Variants in CTNNAL1 observed in about 807,000 individuals in gnomAD.
CTNNAL1 encodes catenin alpha like 1, also known as alpha-catulin.
A neutral mutation model predicts 93.6 loss-of-function variants in CTNNAL1; 69 were observed. The ratio of observed to expected loss-of-function variants is 0.74; its 90% CI spans 0.61 to 0.90. The LOEUF is 0.90. CTNNAL1 is among the 40% of genes least tolerant of loss of function. The pLI, the probability that CTNNAL1 is intolerant of heterozygous loss-of-function variation, is 0.00. For synonymous variants in CTNNAL1, 286 were observed against 305.4 expected, an observed-to-expected ratio of 0.94 and a Z score of 0.66; for missense variants, 836 against 862.0, an observed-to-expected ratio of 0.97 and a Z score of 0.38.
intron 11 of CTNNAL1, among the ~76,000 whole-genome samples, chr9:108,963,305 A>C (rs1035970418): frequency 6.6e-6 from 1 of 152,248 alleles, no homozygotes; most frequent in African/African-American, 2.4e-5. Context: ...AACTGCGAGC[A>C]TCTCAAACAC....
intron 7 of CTNNAL1, among the ~76,000 whole-genome samples, chr9:108,978,428 C>T (rs28361136): frequency 1.1e-4 from 16 of 152,184 alleles, no homozygotes; most frequent in Non-Finnish European, 2.4e-4. Context: ...TATCCACCCT[C>T]CTTCATCATC....
chr9:108,998,708 G>T (rs1374463923), intron 2 of CTNNAL1, among the ~76,000 whole-genome samples: 2 of 152,212 alleles, frequency 1.3e-5, no homozygotes, highest in Non-Finnish European at 2.9e-5. Context: ...TGATTTGTTT[G>T]CTGTAGAATA....
Position 108,965,477 on chromosome 9 carries a change from T to C in CTNNAL1, c.1492A>G (p.Lys498Glu), listed in dbSNP as rs1830928664. ...LTLHPSSKIAKENLDVFCEAW... is the reference protein window; with the variant it reads ...LTLHPSSKIAEENLDVFCEAW... Reference sequence around the variant, plus strand: ...TCACAAAATACATCTAGGTTTTCTTTAGCAATTTTACTAGATGGATGCAAT... The same window carrying C: ...TCACAAAATACATCTAGGTTTTCTTCAGCAATTTTACTAGATGGATGCAAT... Residue 498 changes from lysine (K) to glutamate (E), a missense_variant, in exon 11 of 19, where the codon AAA becomes GAA. By Grantham distance (56) the Lys-to-Glu change is moderately conservative. Coordinates refer to ENST00000325551, the MANE Select transcript of CTNNAL1 (RefSeq NM_003798.4). 6.3e-7 allele frequency: 1 copy of C among 1,597,178 alleles called. No homozygotes were observed. The highest frequency in any genetic ancestry group is 8.5e-7 in the Non-Finnish European group (1 of 1,171,858).
At chr9:108,972,864 G>GGGGGCCCA in intron 8 of CTNNAL1, 31 bp from the exon 9 acceptor site, 2 of 142,588 alleles carry the variant, frequency 1.4e-5, no homozygotes, top group Non-Finnish European at 2.0e-5. Flanking sequence ...GGGGGGGTGG[G>GGGGGCCCA]AGGGTGGAGA....
chr9:108,944,075 G>T, intron 15 of CTNNAL1, 57 bp from the exon 16 acceptor site: 1 of 1,429,214 alleles, frequency 7.0e-7, no homozygotes, highest in South Asian at 1.2e-5. Context: ...TAGTTGGTAA[G>T]AAATATACTT....
intron 1 of CTNNAL1, among the ~76,000 whole-genome samples, chr9:109,008,343 G>T (rs1170388263): frequency 6.6e-6 from 1 of 151,848 alleles, no homozygotes; most frequent in East Asian, 1.9e-4. Context: ...TTTTAGTAGA[G>T]ACGGGGTTGG....
At chr9:108,961,658 CA>C (rs2132112523) in intron 11 of CTNNAL1, among the ~76,000 whole-genome samples, 1 of 152,142 alleles carries the variant, frequency 6.6e-6, no homozygotes, top group South Asian at 2.1e-4. Flanking sequence ...TAAAAGAAAC[CA>C]CAGTGCTCAC....
intron 15 of CTNNAL1, among the ~76,000 whole-genome samples, chr9:108,946,660 T>C (rs1830412560): frequency 6.6e-6 from 1 of 152,244 alleles, no homozygotes; most frequent in Admixed American, 6.5e-5. Context: ...CATTAGAACA[T>C]AAGCTCTATG....
chr9:108,972,864 G>GGGGGGGGGGGGGGGGGGGGGCCCCCCC, intron 8 of CTNNAL1, 31 bp from the exon 9 acceptor site: 1 of 142,582 alleles, frequency 7.0e-6, no homozygotes, highest in Non-Finnish European at 1.0e-5. Context: ...GGGGGGGTGG[G>GGGGGGGGGGGGGGGGGGGGGCCCCCCC]AGGGTGGAGA....
intron 11 of CTNNAL1, among the ~76,000 whole-genome samples, chr9:108,958,220 G>A (rs1830735267): frequency 6.6e-6 from 1 of 151,954 alleles, no homozygotes; most frequent in Non-Finnish European, 1.5e-5. Flanking sequence ...ATCATCTATA[G>A]TGCCCATGGC....
rs1216506520 is a variant in CTNNAL1, at chr9:108,943,823, T to C, written c.1942-7A>G. The C allele has an allele frequency of 6.2e-7, 1 of 1,612,176 alleles. No individual in the cohort carries two copies. Among genetic ancestry groups the C allele is most frequent in the Admixed American group, 1.7e-5 (1 of 59,580 alleles). On this transcript the variant is annotated splice_region_variant and splice_polypyrimidine_tract_variant and intron_variant, in intron 16 of 18. Transcript: ENST00000325551. Reference sequence around the variant, plus strand: ...GCTTGTCATCGTCTTTCAGCTGAAATGTAATTTAACAAGTTATAACAGCCC... The same window carrying C: ...GCTTGTCATCGTCTTTCAGCTGAAACGTAATTTAACAAGTTATAACAGCCC...
chr9:108,969,268 T>C (rs1831042126), intron 10 of CTNNAL1, among the ~76,000 whole-genome samples: 2 of 142,488 alleles, frequency 1.4e-5, no homozygotes, highest in African/African-American at 5.4e-5. Context: ...AGACTCCGTC[T>C]CAAAAAAAAA....
At chr9:108,994,573 C>T (rs1831945297) in intron 2 of CTNNAL1, among the ~76,000 whole-genome samples, 1 of 152,198 alleles carries the variant, frequency 6.6e-6, no homozygotes. Context: ...AGATAAGTCG[C>T]AAGACATGGA....
intron 14 of CTNNAL1, among the ~76,000 whole-genome samples, chr9:108,949,533 C>T (rs370808756): frequency 8.0e-4 from 122 of 152,130 alleles, no homozygotes; most frequent in Admixed American, 5.8e-3. Flanking sequence ...CACAGCGAAA[C>T]GCTATCTCTA....
At chr9:108,996,720 CTT>C (rs61111132) in intron 2 of CTNNAL1, among the ~76,000 whole-genome samples, 5 of 146,736 alleles carry the variant, frequency 3.4e-5, no homozygotes, top group African/African-American at 1.2e-4. Context: ...TTTTTTATTT[CTT>C]TTTTTTTTTA....
intron 10 of CTNNAL1, among the ~76,000 whole-genome samples, chr9:108,969,342 T>G (rs1406230564): frequency 6.6e-6 from 1 of 151,358 alleles, no homozygotes; most frequent in Non-Finnish European, 1.5e-5. Context: ...CAGTATTAAA[T>G]GAGATAATCA....
At chr9:108,985,293 C>A (rs909204275) in intron 4 of CTNNAL1, among the ~76,000 whole-genome samples, 2 of 152,182 alleles carry the variant, frequency 1.3e-5, no homozygotes, top group African/African-American at 2.4e-5. Flanking sequence ...AGAGACAATA[C>A]ACAAATAAAT....
chr9:108,959,203 C>CA (rs1268509730), intron 11 of CTNNAL1, among the ~76,000 whole-genome samples: 129 of 137,882 alleles, frequency 9.4e-4, no homozygotes, highest in East Asian at 1.3e-3. Context: ...ACTAAAAATA[C>CA]AAAAAAAAAA....
At chr9:108,963,169 G>A (rs1466198659) in intron 11 of CTNNAL1, among the ~76,000 whole-genome samples, 2 of 152,200 alleles carry the variant, frequency 1.3e-5, no homozygotes, top group East Asian at 3.8e-4. Flanking sequence ...TTAAGGCAGA[G>A]AATAACTGTT....
Sources: allele counts gnomAD v4.1 joint callset (sites outside exome capture counted in the v4.1 genomes callset), GRCh38; gene constraint gnomAD v4.1.1; transcripts MANE v1.5; gene names NCBI Gene and HGNC (gene_info 2026-07-23, HGNC 2026-07-21).